Variants in KAZN observed in about 807,000 individuals in gnomAD.
KAZN encodes the protein kazrin, periplakin interacting protein, also known as kazrin.
Under a neutral mutation model 87.4 loss-of-function variants are expected in KAZN, and 40 were observed. The ratio of observed to expected loss-of-function variants is 0.46; its 90% CI spans 0.36 to 0.60. The LOEUF is 0.60. Ranked by LOEUF, KAZN falls within the 20% of genes least tolerant of loss-of-function variation. The pLI is 0.00. For synonymous variants in KAZN, 466 were observed against 458.3 expected (o/e 1.02, Z -0.22); for missense variants, 898 against 1,073.9 (o/e 0.84, Z 2.29).
At chr1:15,032,816 G>A (rs1320228686) in intron 2 of KAZN, among the ~76,000 whole-genome samples, 3 of 152,030 alleles carry the variant, frequency 2.0e-5, no homozygotes, top group African/African-American at 4.8e-5. Flanking sequence ...TGGGGTGGTG[G>A]TGGGCACCTG....
intron 1 of KAZN, among the ~76,000 whole-genome samples, chr1:14,841,266 G>A (rs1254145403): frequency 2.6e-5 from 4 of 151,546 alleles, no homozygotes; most frequent in Admixed American, 6.6e-5. Context: ...TTAGCCAGGC[G>A]TGGTGGTGGG....
intron 1 of KAZN, among the ~76,000 whole-genome samples, chr1:14,077,812 A>G (rs1479622483): frequency 6.6e-5 from 10 of 152,012 alleles, no homozygotes; most frequent in Non-Finnish European, 1.5e-4. Flanking sequence ...CGGAGAGAAG[A>G]CACACCAAGA....
chr1:14,937,970 G>T (rs557001951), intron 1 of KAZN, among the ~76,000 whole-genome samples: 37 of 152,314 alleles, frequency 2.4e-4, no homozygotes, highest in African/African-American at 8.4e-4. Context: ...CTCTGTGCTT[G>T]GTGGTATTTA....
At chr1:13,984,553 C>T (rs553190851) in intron 1 of KAZN, among the ~76,000 whole-genome samples, 82 of 152,234 alleles carry the variant, frequency 5.4e-4, no homozygotes, top group African/African-American at 1.9e-3. Context: ...AAGATGATAA[C>T]CTTGTAAAGG....
chr1:14,885,491 C>T (rs1217060208), intron 1 of KAZN, among the ~76,000 whole-genome samples: 1 of 152,176 alleles, frequency 6.6e-6, no homozygotes, highest in African/African-American at 2.4e-5. Flanking sequence ...TGACACTGCA[C>T]CCTTTATTTC....
intron 2 of KAZN, among the ~76,000 whole-genome samples, chr1:14,399,910 C>T (rs1171839132): frequency 6.6e-6 from 1 of 152,160 alleles, no homozygotes; most frequent in Non-Finnish European, 1.5e-5. Context: ...CCCTGTTCAT[C>T]TCATCATTTC....
At chr1:14,627,679 G>A (rs953962402) in intron 1 of KAZN, among the ~76,000 whole-genome samples, 4 of 152,128 alleles carry the variant, frequency 2.6e-5, no homozygotes, top group Non-Finnish European at 5.9e-5. Context: ...ACTCCCAGCC[G>A]AGCTAGTTTC....
intron 2 of KAZN, among the ~76,000 whole-genome samples, chr1:14,981,831 A>G (rs1666278746): frequency 6.6e-6 from 1 of 152,230 alleles, no homozygotes; most frequent in Non-Finnish European, 1.5e-5. Context: ...AATTTAAGGA[A>G]GAGAAAGGGG....
intron 1 of KAZN, chr1:14,945,933 C>T: frequency 1.0e-6 from 1 of 985,394 alleles, no homozygotes; most frequent in South Asian, 4.7e-5. Flanking sequence ...CAGCAGCTGT[C>T]TGCCAGTGTT....
intron 2 of KAZN, among the ~76,000 whole-genome samples, chr1:14,224,132 C>T (rs1269271619): frequency 1.3e-5 from 2 of 152,158 alleles, no homozygotes; most frequent in South Asian, 4.1e-4. Context: ...AAAGGAATGT[C>T]TCATACCCAA....
intron 1 of KAZN, among the ~76,000 whole-genome samples, chr1:14,618,337 TCCATTTTCC>T (rs1678420469): frequency 6.6e-6 from 1 of 152,342 alleles, no homozygotes; most frequent in Non-Finnish European, 1.5e-5. Flanking sequence ...CATTCAAGTC[TCCATTTTCC>T]CATCAGGAAG....
chr1:14,568,685 A>C (rs1674681253), intron 2 of KAZN, among the ~76,000 whole-genome samples: 1 of 152,182 alleles, frequency 6.6e-6, no homozygotes, highest in East Asian at 1.9e-4. Context: ...CACAGAGCCA[A>C]ACCATATCAA....
At chr1:14,093,277 T>G (rs1049367664) in intron 1 of KAZN, among the ~76,000 whole-genome samples, 1 of 152,206 alleles carries the variant, frequency 6.6e-6, no homozygotes, top group African/African-American at 2.4e-5. Context: ...TCATAGCTCC[T>G]TAGACCCATG....
At chr1:13,937,979 A>G (rs958867050) in intron 1 of KAZN, among the ~76,000 whole-genome samples, 3 of 151,896 alleles carry the variant, frequency 2.0e-5, no homozygotes, top group African/African-American at 7.3e-5. Flanking sequence ...CAGTTTTGTT[A>G]TTTTTGCTTA....
In KAZN at chr1:15,056,005, C is replaced by A; in HGVS notation, c.727-86C>A. 1.5e-6 allele frequency: 2 copies of A among 1,346,470 alleles called. No individual in the cohort carries two copies. The highest frequency in any genetic ancestry group is 2.1e-6 in the Non-Finnish European group (2 of 960,328). 83.4% of individuals were successfully genotyped at this position (1,346,470 alleles called of 1,614,324 possible). A position where few individuals can be genotyped will look rare whatever the true frequency, so the allele number is the denominator to read the frequency against. ...CCGGTGCAGAGGATCCGGGCTTTCTCCCCATGGCGGTGGGTGGTGCCAAGC... is the reference window on the plus strand; with the variant it reads ...CCGGTGCAGAGGATCCGGGCTTTCTACCCATGGCGGTGGGTGGTGCCAAGC... On this transcript the variant is annotated intron_variant, in intron 4 of 14. Coordinates refer to ENST00000376030, the MANE Select transcript of KAZN (RefSeq NM_201628.3). This position sits in a 1 kb window ranked among gnomAD's most constrained non-coding sequence, Gnocchi z 5.4.
chr1:14,675,823 C>G (rs896453337), intron 1 of KAZN, among the ~76,000 whole-genome samples: 1 of 152,186 alleles, frequency 6.6e-6, no homozygotes, highest in Non-Finnish European at 1.5e-5. Flanking sequence ...AGGTTGTTCT[C>G]AGAGAACCTT....
chr1:13,946,593 T>G (rs1357086984), intron 1 of KAZN, among the ~76,000 whole-genome samples: 2 of 152,204 alleles, frequency 1.3e-5, no homozygotes, highest in African/African-American at 4.8e-5. Flanking sequence ...AACTGTCCCC[T>G]GCTCCAGTAC....
intron 1 of KAZN, among the ~76,000 whole-genome samples, chr1:13,984,373 A>C (rs1336164448): frequency 1.3e-5 from 2 of 152,226 alleles, no homozygotes; most frequent in East Asian, 3.8e-4. Context: ...GCTGTTCTTT[A>C]CTGGAATTGC....
intron 2 of KAZN, among the ~76,000 whole-genome samples, chr1:14,524,962 C>T (rs774389379): frequency 6.6e-6 from 1 of 152,220 alleles, no homozygotes; most frequent in Non-Finnish European, 1.5e-5. Flanking sequence ...CAGACATTTG[C>T]ACCTTGGCTA....
Sources: gnomAD v4.1 joint callset for allele counts (sites outside exome capture counted in the v4.1 genomes callset) on GRCh38, gnomAD v4.1.1 for gene constraint, Gnocchi (gnomAD v3.1) non-coding constraint, MANE v1.5 for transcripts, NCBI Gene and HGNC (gene_info 2026-07-23, HGNC 2026-07-21) for gene names.